Variants in MUC5AC observed in about 807,000 individuals in gnomAD.
MUC5AC encodes mucin 5AC, oligomeric mucus/gel-forming.
Under a neutral mutation model 169.7 loss-of-function variants are expected in MUC5AC, and 158 were observed. That is an observed-to-expected ratio of 0.93 (90% CI 0.82 to 1.06). The LOEUF is 1.06. Ranked by LOEUF, MUC5AC falls within the 50% of genes least tolerant of loss-of-function variation. The probability of loss-of-function intolerance (pLI) is 0.00; values close to 1 mark genes in which losing one functional copy is unlikely to be tolerated. For synonymous variants in MUC5AC, 1,975 were observed against 1,237.0 expected (o/e 1.60, Z -12.52); for missense variants, 4,359 against 3,089.9 (o/e 1.41, Z -9.74).
In MUC5AC at chr11:1,195,990, C is replaced by T. The variant is rs375965226; in HGVS notation, c.15573C>T (p.Tyr5191=). Residue 5191 remains tyrosine, a synonymous_variant, in exon 37 of 49, where the codon TAC becomes TAT. Transcript: ENST00000621226. ...TGGTGTGCTCCAGCCTGGAGCTGTA[C>T]GCGGCACTCTGTGCGTCCCACGACA... The part of the protein sequence containing the change: ...LDVVCSSLEL[Y]AALCASHDIC... 5.4e-4 allele frequency: 410 copies of T among 764,964 alleles called. 1 individual carries two copies. The African/African-American group carries it at 6.0e-3, about 11-fold the overall frequency. 47.4% of individuals were successfully genotyped at this position (764,964 alleles called of 1,614,324 possible).
Position 1,165,759 on chromosome 11 carries a change from A to T in MUC5AC, c.1385A>T (p.Lys462Met). The change falls in exon 11 of 49, where the codon AAG (lysine) becomes ATG (methionine). Residue 462 changes from lysine (K) to methionine (M), a missense_variant and splice_region_variant. Transcript: ENST00000621226. ...VHGDCSYVLT[K>M]PCDSSAFTVL... ...GGCGACTGCAGCTATGTGCTGACCA[A>T]GGTACGGCCTGGCTGCCTGGGGTGC... 2 of 1,611,952 alleles carry T rather than the reference A, an allele frequency of 1.2e-6. No individual in the cohort carries two copies. The highest frequency in any genetic ancestry group is 1.3e-5 in the African/African-American group (1 of 75,034).
At chr11:1,166,279 C>T (rs1267367838) in intron 11 of MUC5AC, among the ~76,000 whole-genome samples, 1 of 146,828 alleles carries the variant, frequency 6.8e-6, no homozygotes, top group Admixed American at 6.7e-5. Flanking sequence ...CATACAGTCT[C>T]TGCACGATGA....
rs770320666 is a variant in MUC5AC, at chr11:1,165,776, C to T, written c.1386+16C>T. On this transcript the variant is annotated intron_variant, in intron 11 of 48. Transcript: ENST00000621226. ...GCTGACCAAGGTACGGCCTGGCTGC[C>T]TGGGGTGCTCGCCGGACAGAGGGGG... The T allele has an allele frequency of 5.0e-6, 8 of 1,611,044 alleles. No homozygotes were observed. Among genetic ancestry groups the T allele is most frequent in the South Asian group, 2.2e-5 (2 of 91,068 alleles).
rs1365388725 is a variant in MUC5AC at position 1,184,488 on chromosome 11, A to G, written c.6343A>G (p.Asn2115Asp). ...QGTHTTPVTR[N>D]CHPRCTWTTW... ...CACCCACACCACACCAGTCACCAGA[A>G]ACTGTCATCCCCGGTGCACCTGGAC... The change falls in exon 31 of 49, where the codon AAC becomes GAC. Residue 2115 changes from asparagine (N) to aspartate (D), a missense_variant. By Grantham distance (23) the Asn-to-Asp change is conservative. Coordinates refer to ENST00000621226, the MANE Select transcript of MUC5AC (RefSeq NM_001304359.2). 0.15 allele frequency: 98,784 copies of G among 640,740 alleles called. 9,006 individuals carry two copies. The highest frequency in any genetic ancestry group is 0.19 in the Non-Finnish European group (66,764 of 354,716). The allele number at this position is 640,740 out of a possible 1,614,324, so 39.7% of individuals were successfully genotyped here. A position where few individuals can be genotyped will look rare whatever the true frequency, so the allele number is the denominator to read the frequency against.
chr11:1,197,695 A>C, intron 41 of MUC5AC, 56 bp downstream of exon 41: 1 of 647,140 alleles, frequency 1.5e-6, no homozygotes, highest in Non-Finnish European at 2.8e-6. Context: ...CCCGGAGCCC[A>C]CTCGGCCCGG....
rs1485826811 is a variant in MUC5AC at position 1,200,777 on chromosome 11, G to A, written c.*75G>A. On this transcript the variant is annotated 3_prime_UTR_variant, in exon 49 of 49. Coordinates refer to ENST00000621226, the MANE Select transcript of MUC5AC (RefSeq NM_001304359.2). ...CTGAGCTCGGCTTCCAAGGCCAGTG[G>A]AACTTGTGCCCCTGTCCAGGCGGCT... 5 of 666,296 alleles carry A rather than the reference G, an allele frequency of 7.5e-6. No homozygotes were observed. The African/African-American group carries it at 8.9e-5, about 12-fold the overall frequency. 41.3% of individuals were successfully genotyped at this position (666,296 alleles called of 1,614,324 possible). A position where few individuals can be genotyped will look rare whatever the true frequency, so the allele number is the denominator to read the frequency against.
chr11:1,176,356 C>T (rs888147178), intron 20 of MUC5AC, 105 bp downstream of exon 20: 18 of 398,620 alleles, frequency 4.5e-5, no homozygotes, highest in Admixed American at 8.8e-5. Context: ...CACATTAGGC[C>T]ATGGGCTGCC....
At position 1,162,010 on chromosome 11, in the gene MUC5AC, C is replaced by G; in HGVS notation, c.315C>G (p.Tyr105Ter). ...TCCGCTTCCCCGGCCTCTGCAACTA[C>G]GTGTTCTCCGAGCACTGCGGTGCCG... ...DVFRFPGLCN[Y>*]VFSEHCGAAY... The change falls in exon 4 of 49, where the codon TAC becomes TAG. Residue 105 changes from tyrosine (Y) to a stop codon, truncating the protein, a stop_gained. Coordinates refer to ENST00000621226, the MANE Select transcript of MUC5AC (RefSeq NM_001304359.2). LOFTEE classifies it high-confidence loss of function. 1 of 1,612,538 alleles carries G rather than the reference C, an allele frequency of 6.2e-7. No individual in the cohort carries two copies. Among genetic ancestry groups the G allele is most frequent in the African/African-American group, 1.3e-5 (1 of 75,050 alleles).
Position 1,187,088 on chromosome 11 carries a change from C to A in MUC5AC, c.8943C>A (p.Ser2981Arg), listed in dbSNP as rs1285311969. ...CCTCTGGTCCTGGAACTACTCCCAGCCCTGTTCCCACCACCAGCACAACCT... is the reference window on the plus strand; with the variant it reads ...CCTCTGGTCCTGGAACTACTCCCAGACCTGTTCCCACCACCAGCACAACCT... Reference protein sequence around the residue: ...STTSGPGTTPSPVPTTSTTSA... With the variant: ...STTSGPGTTPRPVPTTSTTSA... Residue 2981 changes from serine to arginine, a missense_variant, in exon 31 of 49, where the codon AGC (serine) becomes AGA (arginine). Physicochemically the swap from Ser to Arg is moderately radical, Grantham distance 110. Coordinates refer to ENST00000621226, the MANE Select transcript of MUC5AC (RefSeq NM_001304359.2). The A allele has an allele frequency of 1.3e-6, 1 of 747,782 alleles. No individual in the cohort carries two copies. Among genetic ancestry groups the A allele is most frequent in the Non-Finnish European group, 2.4e-6 (1 of 409,650 alleles). The allele number at this position is 747,782 out of a possible 1,614,324, so 46.3% of individuals were successfully genotyped here.
At position 1,188,762 on chromosome 11, in the gene MUC5AC, C is replaced by T; in HGVS notation, c.10617C>T (p.Pro3539=). 1.3e-6 allele frequency: 1 copy of T among 757,932 alleles called. No homozygotes were observed. Among genetic ancestry groups the T allele is most frequent in the Non-Finnish European group, 2.4e-6 (1 of 413,472 alleles). 47.0% of individuals were successfully genotyped at this position (757,932 alleles called of 1,614,324 possible). A position where few individuals can be genotyped will look rare whatever the true frequency, so the allele number is the denominator to read the frequency against. ...ATGTGGACTTTCCATCCCCTGGACC[C>T]CACGGTGGGGACAAGGAAACCTACA... ...WFDVDFPSPG[P]HGGDKETYNN... The change falls in exon 31 of 49, where the codon CCC becomes CCT. Residue 3539 remains proline (P), a synonymous_variant. Transcript: ENST00000621226.
chr11:1,196,020 C>T lies in MUC5AC; in HGVS notation c.15603C>T (p.Cys5201=). 5 of 764,896 alleles carry T rather than the reference C, an allele frequency of 6.5e-6. No homozygotes were observed. Among genetic ancestry groups the T allele is most frequent in the Non-Finnish European group, 1.2e-5 (5 of 417,764 alleles). The allele number at this position is 764,896 out of a possible 1,614,324, so 47.4% of individuals were successfully genotyped here. A position where few individuals can be genotyped will look rare whatever the true frequency, so the allele number is the denominator to read the frequency against. The stretch of plus-strand genomic sequence containing the variant: ...CACTCTGTGCGTCCCACGACATCTG[C>T]ATCGATTGGAGAGGCCGGACCGGCC... ...YAALCASHDI[C]IDWRGRTGHM... The change falls in exon 37 of 49, where the codon TGC becomes TGT. Residue 5201 remains cysteine (C), a synonymous_variant. Transcript: ENST00000621226.
At position 1,178,919 on chromosome 11, in the gene MUC5AC, C is replaced by T. The variant is rs953638417; in HGVS notation, c.3328-173C>T. Among the ~76,000 whole-genome samples the T allele has an allele frequency of 4.6e-5, 7 of 152,304 alleles. No individual in the cohort carries two copies. The East Asian group carries it at 1.4e-3, about 29-fold the overall frequency. On this transcript the variant is annotated intron_variant, in intron 25 of 48. Coordinates refer to ENST00000621226, the MANE Select transcript of MUC5AC (RefSeq NM_001304359.2). Reference sequence around the variant, plus strand: ...AACCCCAAGGGCTGCCGAGGAAGCCCCAGGCACTGTGGATATCCAGATGGG... The same window carrying T: ...AACCCCAAGGGCTGCCGAGGAAGCCTCAGGCACTGTGGATATCCAGATGGG...
At chr11:1,170,653 CCACT>C (rs1468122748) in intron 15 of MUC5AC, among the ~76,000 whole-genome samples, 2 of 113,904 alleles carry the variant, frequency 1.8e-5, no homozygotes, top group African/African-American at 3.4e-5. Context: ...ACCCATTCAC[CCACT>C]CACTCACCCA....
intron 15 of MUC5AC, among the ~76,000 whole-genome samples, chr11:1,171,481 TCACC>T (rs1860532904): frequency 8.6e-6 from 1 of 116,632 alleles, no homozygotes; most frequent in African/African-American, 3.4e-5. Context: ...ACTCACCCAC[TCACC>T]CACTCACTCA....
Position 1,190,061 on chromosome 11 carries a change from C to A in MUC5AC, c.11916C>A (p.Pro3972=). ...WFDVDFPSPG[P]HGGDKETYNN... ...ACGTGGACTTTCCATCCCCTGGACC[C>A]CACGGTGGGGACAAGGAAACCTACA... Residue 3972 remains proline (P), a synonymous_variant, in exon 31 of 49, where the codon CCC becomes CCA. Coordinates refer to ENST00000621226, the MANE Select transcript of MUC5AC (RefSeq NM_001304359.2). 1.3e-6 allele frequency: 1 copy of A among 764,694 alleles called. No individual in the cohort carries two copies. Among genetic ancestry groups the A allele is most frequent in the African/African-American group, 1.7e-5 (1 of 59,276 alleles). The allele number at this position is 764,694 out of a possible 1,614,324, so 47.4% of individuals were successfully genotyped here.
rs1861083373 is a variant in MUC5AC, at chr11:1,191,094, C to T, written c.12949C>T (p.Pro4317Ser). 1 of 707,568 alleles carries T rather than the reference C, an allele frequency of 1.4e-6. No individual in the cohort carries two copies. 43.8% of individuals were successfully genotyped at this position (707,568 alleles called of 1,614,324 possible). A position where few individuals can be genotyped will look rare whatever the true frequency, so the allele number is the denominator to read the frequency against. ...SAPTTSTTSG[P>S]GTTPSPVPTT... ...TCCTACAACTAGCACAACCTCTGGTCCTGGAACTACTCCCAGCCCTGTTCC... is the reference window on the plus strand; with the variant it reads ...TCCTACAACTAGCACAACCTCTGGTTCTGGAACTACTCCCAGCCCTGTTCC... The change falls in exon 31 of 49, where the codon CCT (proline) becomes TCT (serine). Residue 4317 changes from proline to serine, a missense_variant. Transcript: ENST00000621226.
intron 37 of MUC5AC, among the ~76,000 whole-genome samples, 163 bp downstream of exon 37, chr11:1,196,217 G>A (rs1307611684): frequency 6.6e-6 from 1 of 152,188 alleles, no homozygotes; most frequent in African/African-American, 2.4e-5. Flanking sequence ...AAGGGAGGGC[G>A]TCCACGTCTG....
chr11:1,167,154 A>T (rs1169321477), intron 11 of MUC5AC, among the ~76,000 whole-genome samples: 1 of 134,810 alleles, frequency 7.4e-6, no homozygotes, highest in South Asian at 2.5e-4. Context: ...CAGTCTCCCT[A>T]TGGTGAGACC....
At chr11:1,195,594 C>A (rs1176341390) in intron 36 of MUC5AC, among the ~76,000 whole-genome samples, 1 of 152,076 alleles carries the variant, frequency 6.6e-6, no homozygotes, top group Non-Finnish European at 1.5e-5. Context: ...TCGGTCACCA[C>A]CCCCAGGCAG....
Sources: allele counts gnomAD v4.1 joint callset (sites outside exome capture counted in the v4.1 genomes callset), GRCh38; gene constraint gnomAD v4.1.1; transcripts MANE v1.5; gene names NCBI Gene and HGNC (gene_info 2026-07-23, HGNC 2026-07-21).